The following FOXO3 variants were observed in gnomAD, a reference collection of about 807,000 sequenced individuals.
The protein encoded by FOXO3 is forkhead box O3, also known as forkhead box protein O3.
A neutral mutation model predicts 41.9 loss-of-function variants in FOXO3; 4 were observed. The observed-to-expected ratio is 0.10, with a 90% confidence interval of 0.05 to 0.22. The LOEUF is 0.22. Ranked by LOEUF, FOXO3 falls within the 10% of genes least tolerant of loss-of-function variation. FOXO3 has a pLI of 1.00. For missense variants in FOXO3, 534 were observed against 906.8 expected, an observed-to-expected ratio of 0.59 and a Z score of 5.28; for synonymous variants, 318 against 389.3, an observed-to-expected ratio of 0.82 and a Z score of 2.16.
chr6:108,624,669 T>C (rs1434413245), intron 1 of FOXO3, among the ~76,000 whole-genome samples: 1 of 152,204 alleles, frequency 6.6e-6, no homozygotes, highest in African/African-American at 2.4e-5. Context: ...ATATTTTATA[T>C]TTCTTAAAAT....
intron 2 of FOXO3, among the ~76,000 whole-genome samples, chr6:108,666,481 G>A (rs1312372241): frequency 6.6e-6 from 1 of 150,534 alleles, no homozygotes; most frequent in Non-Finnish European, 1.5e-5. Flanking sequence ...GACTACAGGC[G>A]CCCGCCACCA....
chr6:108,578,157 G>A (rs1212727373), intron 1 of FOXO3, among the ~76,000 whole-genome samples: 2 of 152,136 alleles, frequency 1.3e-5, no homozygotes, highest in Admixed American at 1.3e-4. Context: ...GCTCAGCAGC[G>A]TCAGCATCAC....
intron 1 of FOXO3, among the ~76,000 whole-genome samples, chr6:108,591,735 C>T (rs764740090): frequency 3.3e-5 from 5 of 152,102 alleles, no homozygotes; most frequent in African/African-American, 4.8e-5. Context: ...TGACACAAAA[C>T]AAAACTTCGT....
intron 1 of FOXO3, among the ~76,000 whole-genome samples, chr6:108,584,176 AGTATAGTGG>A (rs1776510893): frequency 6.6e-6 from 1 of 152,336 alleles, no homozygotes; most frequent in Admixed American, 6.5e-5. Context: ...GTGAGTCTGC[AGTATAGTGG>A]GTGATAGGGA....
intron 1 of FOXO3, among the ~76,000 whole-genome samples, chr6:108,656,754 T>C (rs1778700231): frequency 6.6e-6 from 1 of 152,222 alleles, no homozygotes; most frequent in African/African-American, 2.4e-5. Context: ...TCAGGAAGCT[T>C]CTCTCTCACA....
chr6:108,602,465 A>C (rs1777078156), intron 1 of FOXO3, among the ~76,000 whole-genome samples: 1 of 152,178 alleles, frequency 6.6e-6, no homozygotes, highest in South Asian at 2.1e-4. Context: ...GATGCCACCA[A>C]GATCTTGTTT....
In FOXO3 at chr6:108,636,373, T is replaced by G. The variant is rs563033329; in HGVS notation, c.622-27082T>G. On this transcript the variant is annotated intron_variant, in intron 1 of 2. Transcript: ENST00000406360. ...GATCTCTAAACAGGAGATCACTGTT[T>G]CGTATGCTCTAGAGAGCTCATTTAG... 3.9e-5 allele frequency among the ~76,000 whole-genome samples: 6 copies of G among 152,270 alleles called. No homozygotes were observed. In the South Asian group the frequency reaches 1.2e-3, roughly 32 times the overall value.
At chr6:108,600,445 A>G (rs1271089551) in intron 1 of FOXO3, among the ~76,000 whole-genome samples, 2 of 150,004 alleles carry the variant, frequency 1.3e-5, no homozygotes, top group African/African-American at 4.9e-5. Context: ...TGCTCCGGAG[A>G]CTGAGGCAGG....
intron 1 of FOXO3, among the ~76,000 whole-genome samples, chr6:108,611,394 G>T (rs1427052165): frequency 6.6e-6 from 1 of 152,320 alleles, no homozygotes; most frequent in African/African-American, 2.4e-5. Context: ...GAGTAGGACT[G>T]CTGGGTGGTA....
chr6:108,589,868 A>C (rs17532552), intron 1 of FOXO3, among the ~76,000 whole-genome samples: 5,465 of 152,316 alleles, frequency 0.036, 136 homozygotes, highest in Middle Eastern at 0.095. Context: ...AGTCAAGCTA[A>C]AGAGTGAATC....
At chr6:108,614,530 T>C (rs1393389552) in intron 1 of FOXO3, among the ~76,000 whole-genome samples, 2 of 152,116 alleles carry the variant, frequency 1.3e-5, no homozygotes, top group Non-Finnish European at 2.9e-5. Context: ...GTTAATAATA[T>C]AGTTACTCCA....
intron 1 of FOXO3, among the ~76,000 whole-genome samples, chr6:108,625,964 T>C (rs1466663679): frequency 1.3e-5 from 2 of 152,194 alleles, no homozygotes; most frequent in Non-Finnish European, 2.9e-5. Context: ...TGAATTCAGC[T>C]GGTGTGTTGC....
At chr6:108,641,070 C>T (rs531706555) in intron 1 of FOXO3, among the ~76,000 whole-genome samples, 61 of 152,118 alleles carry the variant, frequency 4.0e-4, no homozygotes, top group Non-Finnish European at 7.8e-4. Flanking sequence ...CCACTACGCC[C>T]GGCTAATTTT....
chr6:108,619,155 G>C (rs962213072), intron 1 of FOXO3, among the ~76,000 whole-genome samples: 7 of 152,156 alleles, frequency 4.6e-5, no homozygotes, highest in Non-Finnish European at 8.8e-5. Flanking sequence ...GCCAAAATCT[G>C]CTACTATATT....
In FOXO3 at chr6:108,583,057, A is replaced by G. The variant is rs191959298; in HGVS notation, c.621+21228A>G. On this transcript the variant is annotated intron_variant, in intron 1 of 2. Transcript: ENST00000406360. Reference sequence around the variant, plus strand: ...AGGATATTAAGGATCAAAGATGTAAAGGAGGTTACTTGAAACCACCCAGTG... The same window carrying G: ...AGGATATTAAGGATCAAAGATGTAAGGGAGGTTACTTGAAACCACCCAGTG... Among the ~76,000 whole-genome samples, 3 of 152,304 alleles carry G rather than the reference A, an allele frequency of 2.0e-5. No individual in the cohort carries two copies. The East Asian group carries it at 5.8e-4, about 29-fold the overall frequency.
chr6:108,561,966 T>TG, intron 1 of FOXO3, 137 bp downstream of exon 1: 2 of 1,317,282 alleles, frequency 1.5e-6, no homozygotes, highest in Non-Finnish European at 2.0e-6. Flanking sequence ...TGCGAGGCTT[T>TG]GGGGGTTATC....
chr6:108,596,391 A>AT (rs1440888216), intron 1 of FOXO3, among the ~76,000 whole-genome samples: 10 of 151,624 alleles, frequency 6.6e-5, no homozygotes, highest in Non-Finnish European at 1.3e-4. Context: ...TGAAAAAAAA[A>AT]AAAAAAAAAA....
chr6:108,646,383 A>C (rs191131250), intron 1 of FOXO3, among the ~76,000 whole-genome samples: 2 of 152,356 alleles, frequency 1.3e-5, no homozygotes, highest in East Asian at 3.9e-4. Context: ...CTACTAAGTC[A>C]AAGGTTGTGT....
intron 1 of FOXO3, 84 bp downstream of exon 1, chr6:108,561,913 C>T: frequency 1.4e-6 from 2 of 1,468,264 alleles, no homozygotes; most frequent in Non-Finnish European, 1.8e-6. Flanking sequence ...TCGGAGTGCG[C>T]TTGCGGGCTC....
Sources: allele counts gnomAD v4.1 joint callset (sites outside exome capture counted in the v4.1 genomes callset), GRCh38; gene constraint gnomAD v4.1.1; transcripts MANE v1.5; gene names NCBI Gene and HGNC (gene_info 2026-07-23, HGNC 2026-07-21).